Variants in TYW1 observed in about 807,000 individuals in gnomAD.
The protein encoded by TYW1 is S-adenosyl-L-methionine-dependent tRNA 4-demethylwyosine synthase TYW1.
TYW1 carries 46 observed loss-of-function variants against 96.2 expected under a neutral mutation model. The observed-to-expected ratio is 0.48, with a 90% confidence interval of 0.38 to 0.61. The LOEUF (loss-of-function observed/expected upper bound fraction) is 0.61, where lower values mean the gene tolerates loss of function less well. Among genes scored for constraint, TYW1 ranks in the 20% least tolerant of loss-of-function variants. The probability of loss-of-function intolerance (pLI) is 0.00; values close to 1 mark genes in which losing one functional copy is unlikely to be tolerated. For synonymous variants in TYW1, 274 were observed against 323.0 expected, an observed-to-expected ratio of 0.85 and a Z score of 1.63; for missense variants, 684 against 909.6, an observed-to-expected ratio of 0.75 and a Z score of 3.19.
At chr7:67,202,122 T>C (rs1386255098) in intron 15 of TYW1, among the ~76,000 whole-genome samples, 3 of 152,200 alleles carry the variant, frequency 2.0e-5, no homozygotes, top group Non-Finnish European at 4.4e-5. Context: ...TCCAATTATG[T>C]GTTTTCTGGC....
rs866560847 is a variant in TYW1 at position 67,053,101 on chromosome 7, T to C, written c.1103-2734T>C. On this transcript the variant is annotated intron_variant, in intron 8 of 15. Transcript: ENST00000359626. Reference sequence around the variant, plus strand: ...TTAAGCTTTTTTTTTTTTTTTTTTTTCCTGGGACAAGGTTAAGTTACTTGG... The same window carrying C: ...TTAAGCTTTTTTTTTTTTTTTTTTTCCCTGGGACAAGGTTAAGTTACTTGG... Among the ~76,000 whole-genome samples the C allele has an allele frequency of 4.5e-3, 601 of 132,694 alleles. 1 individual carries two copies. The highest frequency in any genetic ancestry group is 1.0e-2 in the Admixed American group (124 of 12,416). 87.1% of individuals were successfully genotyped at this position (132,694 alleles called of 152,430 possible).
At chr7:67,046,960 C>T (rs1182037853) in intron 7 of TYW1, among the ~76,000 whole-genome samples, 1 of 152,162 alleles carries the variant, frequency 6.6e-6, no homozygotes, top group Non-Finnish European at 1.5e-5. Context: ...CTGTTTAAAA[C>T]CCCAAGAAGG....
chr7:67,033,672 C>T (rs953482707), intron 7 of TYW1, among the ~76,000 whole-genome samples: 18 of 151,374 alleles, frequency 1.2e-4, no homozygotes, highest in Non-Finnish European at 1.9e-4. Flanking sequence ...GCTCTCTACT[C>T]TTTCATCTCT....
In TYW1 at chr7:67,071,021, C is replaced by T. The variant is rs535974179; in HGVS notation, c.1274+3618C>T. Among the ~76,000 whole-genome samples the T allele has an allele frequency of 3.4e-4, 52 of 151,914 alleles. 2 individuals carry two copies. The South Asian group carries it at 0.011, about 31-fold the overall frequency. On this transcript the variant is annotated intron_variant, in intron 10 of 15. Coordinates refer to ENST00000359626, the MANE Select transcript of TYW1 (RefSeq NM_018264.4). ...TGGTGGGCGCCTGTAGTCCCAGCTA[C>T]TCGGGAGGCTGAGGCAGGAGAATGG... is the stretch of plus-strand genomic sequence containing the variant.
rs755186845 is a variant in TYW1 at position 67,014,402 on chromosome 7, G to C, written c.411G>C (p.Ala137=). ...AAAATGTCTGTGTCTTCCTGGTTGCGACATACACTGACGGCCTACCAACTG... is the reference window on the plus strand; with the variant it reads ...AAAATGTCTGTGTCTTCCTGGTTGCCACATACACTGACGGCCTACCAACTG... The part of the protein sequence containing the change: ...TSKNVCVFLV[A]TYTDGLPTES... The change falls in exon 5 of 16, where the codon GCG becomes GCC. Residue 137 remains alanine (A), a synonymous_variant. Transcript: ENST00000359626. 13 of 1,613,154 alleles carry C rather than the reference G, an allele frequency of 8.1e-6. No homozygotes were observed. The African/African-American group carries it at 1.7e-4, about 22-fold the overall frequency.
intron 15 of TYW1, among the ~76,000 whole-genome samples, chr7:67,229,125 C>G (rs1371696847): frequency 1.3e-5 from 2 of 152,208 alleles, no homozygotes; most frequent in African/African-American, 4.8e-5. Flanking sequence ...TTCGGCTCCC[C>G]TCGTTTGCCT....
chr7:67,019,212 G>GCTCA (rs2129243633), intron 6 of TYW1, among the ~76,000 whole-genome samples: 1 of 152,280 alleles, frequency 6.6e-6, no homozygotes, highest in African/African-American at 2.4e-5. Context: ...TGCTCTACAG[G>GCTCA]CTCACACCTT....
At position 67,239,035 on chromosome 7, in the gene TYW1, A is replaced by G. The variant is rs1390506066; in HGVS notation, c.*506A>G. 2.0e-6 allele frequency: 2 copies of G among 988,216 alleles called. No individual in the cohort carries two copies. Among genetic ancestry groups the G allele is most frequent in the Non-Finnish European group, 2.4e-6 (2 of 831,504 alleles). 61.2% of individuals were successfully genotyped at this position (988,216 alleles called of 1,614,324 possible). A position where few individuals can be genotyped will look rare whatever the true frequency, so the allele number is the denominator to read the frequency against. On this transcript the variant is annotated 3_prime_UTR_variant, in exon 16 of 16. Coordinates refer to ENST00000359626, the MANE Select transcript of TYW1 (RefSeq NM_018264.4). ...CTTAAGACAGCACCTCCTGAAAAGA[A>G]TCGAAGTTGTCACAACTCTCAATTA...
chr7:67,197,765 CTTCT>C (rs1022976486), intron 15 of TYW1, among the ~76,000 whole-genome samples: 7 of 152,162 alleles, frequency 4.6e-5, no homozygotes, highest in South Asian at 2.1e-4. Context: ...TCTTTCCTTC[CTTCT>C]TTCTTTTTCT....
intron 13 of TYW1, among the ~76,000 whole-genome samples, chr7:67,170,790 C>T (rs1799492216): frequency 6.6e-6 from 1 of 152,100 alleles, no homozygotes; most frequent in East Asian, 1.9e-4. Flanking sequence ...TGGAATAAAT[C>T]CCACTTGGTA....
chr7:67,183,881 G>T (rs1318142752), intron 14 of TYW1, among the ~76,000 whole-genome samples: 2 of 151,982 alleles, frequency 1.3e-5, no homozygotes, highest in Non-Finnish European at 2.9e-5. Context: ...AGGTTGGAGT[G>T]CAGTGCTGTG....
chr7:67,133,012 TCTTAAA>T (rs1265453440), intron 13 of TYW1, among the ~76,000 whole-genome samples: 1 of 152,168 alleles, frequency 6.6e-6, no homozygotes, highest in Non-Finnish European at 1.5e-5. Flanking sequence ...GATATGTACA[TCTTAAA>T]CTTGAACTTG....
intron 13 of TYW1, among the ~76,000 whole-genome samples, chr7:67,153,110 G>T (rs974946783): frequency 6.6e-6 from 1 of 152,078 alleles, no homozygotes; most frequent in African/African-American, 2.4e-5. Flanking sequence ...AGGTTTCTTG[G>T]GCTTTCTTCC....
intron 7 of TYW1, among the ~76,000 whole-genome samples, chr7:67,028,368 T>A (rs1490028948): frequency 1.3e-5 from 2 of 151,998 alleles, no homozygotes; most frequent in Non-Finnish European, 1.5e-5. Context: ...ACCAACATGG[T>A]GAAACCCCGT....
intron 13 of TYW1, among the ~76,000 whole-genome samples, chr7:67,174,530 G>A (rs1799607129): frequency 6.7e-6 from 1 of 149,098 alleles, no homozygotes; most frequent in African/African-American, 2.5e-5. Context: ...TGCCTACTTA[G>A]TAAAGGAAAT....
rs113552870 is a variant in TYW1, at chr7:67,128,762, C to G, written c.1698+11144C>G. On this transcript the variant is annotated intron_variant, in intron 13 of 15. Transcript: ENST00000359626. ...GGAGTGCAGTGGCACGATCTTGGCT[C>G]ACTGCAACTTCTGCCTCCCAGGTTC... Among the ~76,000 whole-genome samples, 71 of 149,846 alleles carry G rather than the reference C, an allele frequency of 4.7e-4. 1 individual carries two copies. The highest frequency in any genetic ancestry group is 1.7e-3 in the African/African-American group (69 of 40,804).
At position 67,235,911 on chromosome 7, in the gene TYW1, GA is replaced by G. The variant is rs369840283; in HGVS notation, c.1978-2392del. Among the ~76,000 whole-genome samples the G allele has an allele frequency of 5.2e-4, 43 of 82,554 alleles. 1 individual carries two copies. The highest frequency in any genetic ancestry group is 2.3e-3 in the African/African-American group (40 of 17,362). 54.2% of individuals were successfully genotyped at this position (82,554 alleles called of 152,430 possible). On this transcript the variant is annotated intron_variant, in intron 15 of 15. Coordinates refer to ENST00000359626, the MANE Select transcript of TYW1 (RefSeq NM_018264.4). ...TCTGTCTCAAAAAAAAAAAAAAAAA[GA>G]AAAAGAGGTGAGGAAGAAAGACTGG...
intron 15 of TYW1, among the ~76,000 whole-genome samples, chr7:67,213,564 C>T (rs966725862): frequency 4.6e-5 from 7 of 152,158 alleles, no homozygotes; most frequent in Non-Finnish European, 8.8e-5. Context: ...AATTTTTTGT[C>T]ATGGATCCTA....
At chr7:67,022,055 C>T (rs1318365843) in intron 6 of TYW1, among the ~76,000 whole-genome samples, 1 of 152,152 alleles carries the variant, frequency 6.6e-6, no homozygotes, top group Non-Finnish European at 1.5e-5. Flanking sequence ...GGCCTACAGG[C>T]ATGCACCATC....
Sources: gnomAD v4.1 joint callset for allele counts (sites outside exome capture counted in the v4.1 genomes callset) on GRCh38, gnomAD v4.1.1 for gene constraint, MANE v1.5 for transcripts, NCBI Gene and HGNC (gene_info 2026-07-23, HGNC 2026-07-21) for gene names.